The following SUFU variants were observed in gnomAD, a reference collection of about 807,000 sequenced individuals.
The protein encoded by SUFU is SUFU negative regulator of hedgehog signaling, also known as suppressor of fused homolog.
In SUFU, 7 loss-of-function variants were observed where a neutral mutation model predicts 58.9. That is an observed-to-expected ratio of 0.12 (90% CI 0.07 to 0.22). SUFU has a LOEUF of 0.22. SUFU is among the 10% of genes least tolerant of loss of function. The probability of loss-of-function intolerance (pLI) is 1.00; values close to 1 mark genes in which losing one functional copy is unlikely to be tolerated. For missense variants in SUFU, 451 were observed against 641.3 expected (o/e 0.70, Z 3.20); for synonymous variants, 232 against 254.8 (o/e 0.91, Z 0.85).
intron 3 of SUFU, among the ~76,000 whole-genome samples, chr10:102,570,804 T>C (rs189114523): frequency 6.6e-6 from 1 of 152,172 alleles, no homozygotes; most frequent in East Asian, 1.9e-4. Context: ...GCTCTTCCTA[T>C]GTGGGTGGAT....
chr10:102,505,491 T>G (rs983785145), intron 1 of SUFU, among the ~76,000 whole-genome samples: 2 of 152,228 alleles, frequency 1.3e-5, no homozygotes, highest in African/African-American at 4.8e-5. Context: ...AGGGTAGACC[T>G]GAAGGGGCAA....
rs555549853 is a variant in SUFU, at chr10:102,535,379, A to G, written c.318-14591A>G. On this transcript the variant is annotated intron_variant, in intron 2 of 11. Transcript: ENST00000369902. ...CACACGCCTGTAGTCCCAGCTACTC[A>G]GGAGGCTGAAGCAGGAGAATCTCTT... is the stretch of plus-strand genomic sequence containing the variant. 7.2e-5 allele frequency among the ~76,000 whole-genome samples: 11 copies of G among 151,920 alleles called. No individual in the cohort carries two copies. The East Asian group carries it at 2.1e-3, about 29-fold the overall frequency.
chr10:102,538,871 A>G (rs1039296725), intron 2 of SUFU, among the ~76,000 whole-genome samples: 1 of 152,242 alleles, frequency 6.6e-6, no homozygotes, highest in African/African-American at 2.4e-5. Flanking sequence ...GCCAAGGGTC[A>G]CACAGCCAGG....
In SUFU at chr10:102,550,123, GGCT is replaced by G. The variant is rs2062897512; in HGVS notation, c.454+22_454+24del. On this transcript the variant is annotated intron_variant, in intron 3 of 11. Transcript: ENST00000369902. ...TCCAGTCAGGTAGGAGGCCAGGGCT[GGCT>G]GCTGTGCTGGTCCTTTTGCCATGAG... 1 of 1,613,960 alleles carries G rather than the reference GGCT, an allele frequency of 6.2e-7. No homozygotes were observed.
At chr10:102,561,178 A>G (rs1057322808) in intron 3 of SUFU, among the ~76,000 whole-genome samples, 2 of 152,188 alleles carry the variant, frequency 1.3e-5, no homozygotes, top group Non-Finnish European at 2.9e-5. Context: ...ATTCCTTTAA[A>G]TGGGATCACT....
Position 102,633,500 on chromosome 10 carries a change from C to A in SUFU, c.*3345C>A. On this transcript the variant is annotated 3_prime_UTR_variant, in exon 12 of 12. Coordinates refer to ENST00000369902, the MANE Select transcript of SUFU (RefSeq NM_016169.4). ...TTTCTGGCTGCCTGAAGTAGTGGAG[C>A]CGGAAGCCCGGGGCCCTGGCAGAGG... is the stretch of plus-strand genomic sequence containing the variant. 1 of 213,812 alleles carries A rather than the reference C, an allele frequency of 4.7e-6. No homozygotes were observed. Among genetic ancestry groups the A allele is most frequent in the South Asian group, 1.9e-4 (1 of 5,358 alleles). The allele number at this position is 213,812 out of a possible 1,614,324, so 13.2% of individuals were successfully genotyped here. A position where few individuals can be genotyped will look rare whatever the true frequency, so the allele number is the denominator to read the frequency against.
chr10:102,610,398 A>AAAAAAAG (rs1417671090), intron 8 of SUFU, among the ~76,000 whole-genome samples: 21 of 151,732 alleles, frequency 1.4e-4, no homozygotes, highest in Admixed American at 7.2e-4. Flanking sequence ...GTCTCAAAAA[A>AAAAAAAG]AAAAAGAAAA....
Position 102,597,086 on chromosome 10 carries a change from C to T in SUFU, c.757-54C>T. The T allele has an allele frequency of 1.9e-6, 3 of 1,612,026 alleles. No homozygotes were observed. In the South Asian group the frequency reaches 3.3e-5, roughly 18 times the overall value. The stretch of plus-strand genomic sequence containing the variant: ...GAGCAGTGGCTGAAAGGGTGGTCAC[C>T]TTGGGTCACCAGTTCTCTGAAAGAA... On this transcript the variant is annotated intron_variant, in intron 6 of 11. Coordinates refer to ENST00000369902, the MANE Select transcript of SUFU (RefSeq NM_016169.4).
chr10:102,615,457 CA>C lies in SUFU; in HGVS notation c.1157+56del. 4 of 1,613,336 alleles carry C rather than the reference CA, an allele frequency of 2.5e-6. No homozygotes were observed. The African/African-American group carries it at 5.3e-5, about 22-fold the overall frequency. On this transcript the variant is annotated intron_variant, in intron 9 of 11. Transcript: ENST00000369902. ...ACCCCACAGCACCCAGCTCAGCCTC[CA>C]GGGGGCACTTCAGAGCCTCCCCAGC...
At chr10:102,581,180 C>CAAAAAAAAAAAAAAA (rs71016393) in intron 3 of SUFU, among the ~76,000 whole-genome samples, 1 of 75,660 alleles carries the variant, frequency 1.3e-5, no homozygotes, top group Non-Finnish European at 2.5e-5. Flanking sequence ...ACTCTGTCTC[C>CAAAAAAAAAAAAAAA]AAAAAAAAAA....
intron 1 of SUFU, 65 bp from the exon 2 acceptor site, chr10:102,509,104 G>T (rs1252051769): frequency 6.3e-7 from 1 of 1,599,478 alleles, no homozygotes; most frequent in Non-Finnish European, 8.5e-7. Context: ...AAAGTAGAGC[G>T]CCTTAGCTTG....
intron 2 of SUFU, among the ~76,000 whole-genome samples, chr10:102,542,293 C>T (rs2062811362): frequency 6.6e-6 from 1 of 151,754 alleles, no homozygotes; most frequent in Non-Finnish European, 1.5e-5. Context: ...CCACCACTCC[C>T]AGCTAGTTTT....
chr10:102,542,446 T>A (rs10883733), intron 2 of SUFU, among the ~76,000 whole-genome samples: 76,853 of 138,722 alleles, frequency 0.55, 19,992 homozygotes, highest in East Asian at 0.65. Context: ...ATATATATAT[T>A]TTTTTTTAAG....
chr10:102,592,520 C>A (rs2063414054), intron 3 of SUFU, 62 bp from the exon 4 acceptor site: 1 of 1,604,112 alleles, frequency 6.2e-7, no homozygotes, highest in African/African-American at 1.3e-5. Context: ...GAGATCCCAG[C>A]CCAGATTCCA....
rs59259635 is a variant in SUFU, at chr10:102,618,931, CGTGTGTGTGTGTGTGT to C, written c.1296+1536_1296+1551del. 2.2e-4 allele frequency: 125 copies of C among 575,438 alleles called. 1 individual carries two copies. Among genetic ancestry groups the C allele is most frequent in the Admixed American group, 3.7e-4 (13 of 34,672 alleles). 35.6% of individuals were successfully genotyped at this position (575,438 alleles called of 1,614,324 possible). On this transcript the variant is annotated intron_variant, in intron 10 of 11. Transcript: ENST00000369902. ...ATCATTCCCAAGTGTCCTCAGGTAG[CGTGTGTGTGTGTGTGT>C]GTGTGTGTGTGTGTGTGTGTGTGTG...
chr10:102,506,832 GAT>G (rs1206588091), intron 1 of SUFU, among the ~76,000 whole-genome samples: 2 of 152,194 alleles, frequency 1.3e-5, no homozygotes, highest in African/African-American at 4.8e-5. Flanking sequence ...GGTAGCTTGG[GAT>G]TCATTTTGCA....
At chr10:102,624,413 T>C (rs550676217) in intron 10 of SUFU, among the ~76,000 whole-genome samples, 8 of 152,138 alleles carry the variant, frequency 5.3e-5, no homozygotes, top group Non-Finnish European at 8.8e-5. Flanking sequence ...AAGGTTTAAC[T>C]CCCAAAGGAA....
chr10:102,505,816 A>C (rs2062318189), intron 1 of SUFU, among the ~76,000 whole-genome samples: 1 of 152,170 alleles, frequency 6.6e-6, no homozygotes, highest in African/African-American at 2.4e-5. Flanking sequence ...TTCTGAGTGG[A>C]AAGCAGCTCT....
intron 2 of SUFU, among the ~76,000 whole-genome samples, chr10:102,510,447 A>G (rs529951103): frequency 3.4e-5 from 5 of 147,386 alleles, no homozygotes; most frequent in African/African-American, 7.5e-5. Context: ...TGACCTCGTG[A>G]TCTGCCTGCC....
Sources: allele counts gnomAD v4.1 joint callset (sites outside exome capture counted in the v4.1 genomes callset), GRCh38; gene constraint gnomAD v4.1.1; transcripts MANE v1.5; gene names NCBI Gene and HGNC (gene_info 2026-07-23, HGNC 2026-07-21).